EXOC6B: variants seen among roughly 807,000 people sequenced by gnomAD.
EXOC6B encodes SEC15 homolog B.
A neutral mutation model predicts 113.5 loss-of-function variants in EXOC6B; 54 were observed. The observed-to-expected ratio is 0.48, with a 90% CI of 0.38 to 0.60. The LOEUF (loss-of-function observed/expected upper bound fraction) is 0.60, where lower values mean the gene tolerates loss of function less well. Ranked by LOEUF, EXOC6B falls within the 20% of genes least tolerant of loss-of-function variation. The pLI, the probability that EXOC6B is intolerant of heterozygous loss-of-function variation, is 0.00. For missense variants in EXOC6B, 797 were observed against 977.5 expected (o/e 0.82, Z 2.46); for synonymous variants, 357 against 339.0 (o/e 1.05, Z -0.58).
chr2:72,630,305 C>G (rs987771560), intron 6 of EXOC6B, among the ~76,000 whole-genome samples: 2 of 152,148 alleles, frequency 1.3e-5, no homozygotes, highest in African/African-American at 4.8e-5. Context: ...AATGTGTGGT[C>G]TACCAATATT....
At chr2:72,728,069 T>G (rs1350912562) in intron 5 of EXOC6B, among the ~76,000 whole-genome samples, 2 of 152,020 alleles carry the variant, frequency 1.3e-5, no homozygotes, top group African/African-American at 2.4e-5. Flanking sequence ...ACCAAAAAGT[T>G]TGACAATATA....
intron 8 of EXOC6B, among the ~76,000 whole-genome samples, chr2:72,521,267 C>A (rs1701471607): frequency 6.6e-6 from 1 of 152,146 alleles, no homozygotes; most frequent in African/African-American, 2.4e-5. Flanking sequence ...GCAGCCTTCA[C>A]TAGACAAAAG....
At chr2:72,748,657 G>A (rs1046162631) in intron 1 of EXOC6B, among the ~76,000 whole-genome samples, 29 of 151,990 alleles carry the variant, frequency 1.9e-4, no homozygotes, top group African/African-American at 6.8e-4. Context: ...GTATCCAACT[G>A]GCTTCACACA....
At chr2:72,624,832 T>A (rs994798842) in intron 6 of EXOC6B, among the ~76,000 whole-genome samples, 2 of 152,108 alleles carry the variant, frequency 1.3e-5, no homozygotes, top group Non-Finnish European at 2.9e-5. Flanking sequence ...ATTACACATG[T>A]TATCTTATTT....
intron 6 of EXOC6B, among the ~76,000 whole-genome samples, chr2:72,650,873 C>CA (rs1011730211): frequency 6.7e-6 from 1 of 148,872 alleles, no homozygotes; most frequent in African/African-American, 2.5e-5. Context: ...AATGCTTTGG[C>CA]AGTTTCTAAA....
intron 18 of EXOC6B, among the ~76,000 whole-genome samples, chr2:72,380,368 G>GGT (rs1691609265): frequency 6.6e-6 from 1 of 152,134 alleles, no homozygotes; most frequent in African/African-American, 2.4e-5. Context: ...GGCCAGGAGC[G>GGT]GTGGCTCACG....
At chr2:72,552,544 A>T (rs1238769345) in intron 8 of EXOC6B, among the ~76,000 whole-genome samples, 1 of 152,134 alleles carries the variant, frequency 6.6e-6, no homozygotes, top group African/African-American at 2.4e-5. Context: ...CTGACTTACA[A>T]ATCATCTAAG....
intron 1 of EXOC6B, among the ~76,000 whole-genome samples, chr2:72,757,292 A>G (rs1354728670): frequency 6.6e-6 from 1 of 152,234 alleles, no homozygotes; most frequent in Admixed American, 6.5e-5. Context: ...GGAGTCACTT[A>G]TGTCAAAACT....
intron 20 of EXOC6B, among the ~76,000 whole-genome samples, chr2:72,280,743 G>A (rs568680503): frequency 2.5e-4 from 38 of 152,162 alleles, no homozygotes; most frequent in African/African-American, 8.9e-4. Context: ...TACAAGATCT[G>A]GAAGAGAAAG....
At chr2:72,424,491 T>G (rs965983044) in intron 18 of EXOC6B, among the ~76,000 whole-genome samples, 2 of 152,184 alleles carry the variant, frequency 1.3e-5, no homozygotes, top group African/African-American at 4.8e-5. Flanking sequence ...CCCCAACTAA[T>G]GACTTTTATA....
At chr2:72,813,138 A>G (rs1686016575) in intron 1 of EXOC6B, among the ~76,000 whole-genome samples, 1 of 152,170 alleles carries the variant, frequency 6.6e-6, no homozygotes, top group Admixed American at 6.5e-5. Context: ...CACCCAGCCT[A>G]GAGTACAGTG....
At chr2:72,664,100 C>G (rs1350230968) in intron 6 of EXOC6B, among the ~76,000 whole-genome samples, 11 of 152,096 alleles carry the variant, frequency 7.2e-5, no homozygotes, top group Admixed American at 7.2e-4. Flanking sequence ...TTGAACATAG[C>G]AGTTTGAGGC....
intron 6 of EXOC6B, among the ~76,000 whole-genome samples, chr2:72,644,812 C>T (rs753034661): frequency 9.9e-5 from 15 of 152,220 alleles, no homozygotes; most frequent in Admixed American, 1.3e-4. Flanking sequence ...AAGGAACGAC[C>T]GGTACCAGTC....
chr2:72,511,947 A>T (rs935910625), intron 11 of EXOC6B, among the ~76,000 whole-genome samples: 1 of 152,064 alleles, frequency 6.6e-6, no homozygotes, highest in Middle Eastern at 3.2e-3. Context: ...CACTTAAAGA[A>T]ATTGTTTTAA....
intron 18 of EXOC6B, among the ~76,000 whole-genome samples, chr2:72,422,999 C>T (rs1159312046): frequency 6.6e-6 from 1 of 152,150 alleles, no homozygotes; most frequent in African/African-American, 2.4e-5. Context: ...GGTCCCCTTC[C>T]ACCCTGTGGA....
intron 18 of EXOC6B, among the ~76,000 whole-genome samples, chr2:72,448,669 TA>T (rs1696731133): frequency 6.6e-6 from 1 of 152,200 alleles, no homozygotes; most frequent in South Asian, 2.1e-4. Flanking sequence ...AAAATGATTA[TA>T]TTTTGTACTA....
intron 20 of EXOC6B, among the ~76,000 whole-genome samples, chr2:72,250,735 C>G (rs1682962769): frequency 6.6e-6 from 1 of 152,024 alleles, no homozygotes; most frequent in Non-Finnish European, 1.5e-5. Context: ...GGAAAATTTA[C>G]AGTTCCTCTT....
intron 1 of EXOC6B, among the ~76,000 whole-genome samples, chr2:72,816,543 A>G (rs1346038405): frequency 6.6e-6 from 1 of 152,238 alleles, no homozygotes; most frequent in Non-Finnish European, 1.5e-5. Flanking sequence ...AAGGAATGAG[A>G]CAAAAAATGT....
At chr2:72,490,130 T>A (rs145827444) in intron 16 of EXOC6B, among the ~76,000 whole-genome samples, 1,554 of 152,282 alleles carry the variant, frequency 0.01, 40 homozygotes, top group African/African-American at 0.036. Flanking sequence ...CATGTTACTA[T>A]GGACCTCCTG....
Sources: allele counts gnomAD v4.1 joint callset (sites outside exome capture counted in the v4.1 genomes callset), GRCh38; gene constraint gnomAD v4.1.1; transcripts MANE v1.5; gene names NCBI Gene and HGNC (gene_info 2026-07-23, HGNC 2026-07-21).